The following BNC2 variants were observed in gnomAD, a reference collection of about 807,000 sequenced individuals.
The protein encoded by BNC2 is basonuclin zinc finger protein 2, also known as zinc finger protein basonuclin-2.
Under a neutral mutation model 76.3 loss-of-function variants are expected in BNC2, and 20 were observed. The observed-to-expected ratio is 0.26, with a 90% CI of 0.18 to 0.38. The LOEUF (loss-of-function observed/expected upper bound fraction) is 0.38. BNC2 is among the 10% of genes least tolerant of loss of function. The pLI is 1.00. For synonymous variants in BNC2, 582 were observed against 514.8 expected (o/e 1.13, Z -1.77); for missense variants, 1,382 against 1,399.8 (o/e 0.99, Z 0.20).
At chr9:16,782,455 G>C (rs1193385851) in intron 1 of BNC2, among the ~76,000 whole-genome samples, 63 of 152,074 alleles carry the variant, frequency 4.1e-4, no homozygotes, top group Admixed American at 4.1e-3. Context: ...GAGAGTTCTA[G>C]TTATTTGAGT....
chr9:16,859,666 G>C (rs1344327767), intron 1 of BNC2, among the ~76,000 whole-genome samples: 4 of 152,186 alleles, frequency 2.6e-5, no homozygotes, highest in Non-Finnish European at 4.4e-5. Context: ...CAAACTCTTA[G>C]AAATAGAAGC....
intron 1 of BNC2, among the ~76,000 whole-genome samples, chr9:16,782,801 C>G (rs1465548877): frequency 6.6e-6 from 1 of 152,210 alleles, no homozygotes; most frequent in Non-Finnish European, 1.5e-5. Context: ...CTTTTGTTCA[C>G]TACTATATCC....
chr9:16,757,280 A>G (rs1825413409), intron 1 of BNC2, among the ~76,000 whole-genome samples: 2 of 152,212 alleles, frequency 1.3e-5, no homozygotes, highest in South Asian at 4.1e-4. Flanking sequence ...CAGTGATCTT[A>G]AATCTCTTGC....
At chr9:16,718,386 C>T (rs1348200837) in intron 3 of BNC2, among the ~76,000 whole-genome samples, 1 of 152,146 alleles carries the variant, frequency 6.6e-6, no homozygotes, top group Non-Finnish European at 1.5e-5. Flanking sequence ...AACTCCTCTC[C>T]ACAATGAAGA....
chr9:16,460,694 C>T (rs1351636151), intron 5 of BNC2, among the ~76,000 whole-genome samples: 1 of 152,138 alleles, frequency 6.6e-6, no homozygotes, highest in Non-Finnish European at 1.5e-5. Context: ...AGCGGTGCTT[C>T]AACACCGAGT....
intron 5 of BNC2, among the ~76,000 whole-genome samples, chr9:16,515,465 C>G (rs369338517): frequency 7.6e-4 from 116 of 152,292 alleles, no homozygotes; most frequent in African/African-American, 2.7e-3. Context: ...CTCCCTCACC[C>G]TCACCCGCCC....
chr9:16,452,700 A>AC (rs752161204), intron 5 of BNC2, among the ~76,000 whole-genome samples: 84 of 152,288 alleles, frequency 5.5e-4, no homozygotes, highest in Non-Finnish European at 1.1e-3. Context: ...GTGAGCCACC[A>AC]CGCCTGGCAG....
At chr9:16,694,826 A>G (rs865984115) in intron 3 of BNC2, among the ~76,000 whole-genome samples, 1 of 152,176 alleles carries the variant, frequency 6.6e-6, no homozygotes, top group Non-Finnish European at 1.5e-5. Flanking sequence ...GACTAAAAAG[A>G]GAAAAATGTG....
chr9:16,647,649 G>C (rs1382565783), intron 3 of BNC2, among the ~76,000 whole-genome samples: 1 of 151,818 alleles, frequency 6.6e-6, no homozygotes, highest in Non-Finnish European at 1.5e-5. Context: ...GGGAGAGAGA[G>C]GGTTTATCAG....
intron 1 of BNC2, among the ~76,000 whole-genome samples, chr9:16,851,861 T>C (rs1229158234): frequency 6.6e-6 from 1 of 152,208 alleles, no homozygotes; most frequent in South Asian, 2.1e-4. Flanking sequence ...CTCACACATA[T>C]GTTAGCACAG....
rs34523754 is a variant in BNC2 at position 16,497,978 on chromosome 9, GGTGTGT to G, written c.669+54546_669+54551del. On this transcript the variant is annotated intron_variant, in intron 5 of 6. Transcript: ENST00000380672. ...ATCAATGAGTGGATAAAGAAACTGT[GGTGTGT>G]GTGTGTGTGTGTGTGTGTGTGTGTG... 3.4e-3 allele frequency among the ~76,000 whole-genome samples: 460 copies of G among 134,866 alleles called. 4 individuals are homozygous for G. Among genetic ancestry groups the G allele is most frequent in the African/African-American group, 0.011 (409 of 38,132 alleles). The allele number at this position is 134,866 out of a possible 152,430, so 88.5% of individuals were successfully genotyped here.
At chr9:16,504,949 C>A (rs1822594804) in intron 5 of BNC2, among the ~76,000 whole-genome samples, 1 of 152,166 alleles carries the variant, frequency 6.6e-6, no homozygotes, top group African/African-American at 2.4e-5. Flanking sequence ...ACAGTGTCAT[C>A]TTTGGAATTT....
chr9:16,695,967 C>A (rs959536870), intron 3 of BNC2, among the ~76,000 whole-genome samples: 2 of 152,112 alleles, frequency 1.3e-5, no homozygotes, highest in Non-Finnish European at 2.9e-5. Flanking sequence ...GACTCAGAAC[C>A]ATACATCATT....
intron 3 of BNC2, among the ~76,000 whole-genome samples, chr9:16,687,091 T>A (rs1405510456): frequency 6.6e-6 from 1 of 152,108 alleles, no homozygotes; most frequent in Non-Finnish European, 1.5e-5. Context: ...AACTGAGGCT[T>A]AGAGTAGGTA....
At chr9:16,431,469 C>T (rs950309815) in intron 6 of BNC2, 4 of 469,896 alleles carry the variant, frequency 8.5e-6, no homozygotes, top group African/African-American at 4.0e-5. Context: ...GGTTCCAGGC[C>T]GGTTAGAATT....
At chr9:16,773,714 C>T (rs772056713) in intron 1 of BNC2, among the ~76,000 whole-genome samples, 3 of 152,110 alleles carry the variant, frequency 2.0e-5, no homozygotes, top group Non-Finnish European at 2.9e-5. Context: ...GGAAACTTTC[C>T]GTTCATCTTA....
chr9:16,823,680 T>C (rs114983125), intron 1 of BNC2, among the ~76,000 whole-genome samples: 9,480 of 152,192 alleles, frequency 0.062, 318 homozygotes, highest in Middle Eastern at 0.11. Flanking sequence ...AAAATTTTGA[T>C]TGCCTTCATG....
intron 3 of BNC2, among the ~76,000 whole-genome samples, chr9:16,718,448 A>G (rs906099371): frequency 6.6e-6 from 1 of 152,258 alleles, no homozygotes; most frequent in African/African-American, 2.4e-5. Context: ...ATTCAGTCCC[A>G]TGATTACTTT....
chr9:16,713,829 C>T (rs990090896), intron 3 of BNC2, among the ~76,000 whole-genome samples: 7 of 152,152 alleles, frequency 4.6e-5, no homozygotes, highest in African/African-American at 7.2e-5. Flanking sequence ...AATCCCAGCA[C>T]TTTGGGAGGC....
Sources: gnomAD v4.1 joint callset for allele counts (sites outside exome capture counted in the v4.1 genomes callset) on GRCh38, gnomAD v4.1.1 for gene constraint, MANE v1.5 for transcripts, NCBI Gene and HGNC (gene_info 2026-07-23, HGNC 2026-07-21) for gene names.